CNIH3: variants seen among roughly 807,000 people sequenced by gnomAD.
CNIH3 encodes cornichon family AMPA receptor auxiliary protein 3, also known as protein cornichon homolog 3.
A neutral mutation model predicts 24.1 loss-of-function variants in CNIH3; 14 were observed. That is an observed-to-expected ratio of 0.58 (90% CI 0.38 to 0.91). The LOEUF (loss-of-function observed/expected upper bound fraction) is 0.91, where lower values mean the gene tolerates loss of function less well. CNIH3 is among the 40% of genes least tolerant of loss of function. The probability of loss-of-function intolerance (pLI) is 0.00; values close to 1 mark genes in which losing one functional copy is unlikely to be tolerated. For missense variants in CNIH3, 178 were observed against 196.8 expected, an observed-to-expected ratio of 0.90 and a Z score of 0.57; for synonymous variants, 68 against 73.8, an observed-to-expected ratio of 0.92 and a Z score of 0.40.
chr1:224,589,322 A>G (rs1681651345), downstream of CNIH3, among the ~76,000 whole-genome samples: 1 of 152,186 alleles, frequency 6.6e-6, no homozygotes, highest in Non-Finnish European at 1.5e-5. Context: ...TTAACACATT[A>G]TAGAAACACA....
intron 4 of CNIH3, among the ~76,000 whole-genome samples, chr1:224,733,211 C>T (rs1037289863): frequency 2.0e-5 from 3 of 152,204 alleles, no homozygotes; most frequent in African/African-American, 7.2e-5. Flanking sequence ...GTGGGCAATT[C>T]CATCCCCATT....
intron 5 of CNIH3, among the ~76,000 whole-genome samples, chr1:224,586,447 G>A (rs1390572962): frequency 6.6e-6 from 1 of 152,106 alleles, no homozygotes; most frequent in South Asian, 2.1e-4. Flanking sequence ...GGAAAGACCT[G>A]CCCCCGTGAT....
intron 3 of CNIH3, among the ~76,000 whole-genome samples, chr1:224,560,517 G>A (rs541907021): frequency 5.3e-5 from 8 of 152,184 alleles, no homozygotes; most frequent in Admixed American, 1.3e-4. Flanking sequence ...GCTGCTCCCC[G>A]TTGCTTGCAT....
At chr1:224,474,775 C>G (rs1676503691) in intron 1 of CNIH3, among the ~76,000 whole-genome samples, 1 of 152,102 alleles carries the variant, frequency 6.6e-6, no homozygotes, top group Non-Finnish European at 1.5e-5. Context: ...CGCCTGTAAT[C>G]CCAGCACTTT....
intron 1 of CNIH3, among the ~76,000 whole-genome samples, chr1:224,498,723 G>A (rs553105710): frequency 1.3e-5 from 2 of 152,322 alleles, no homozygotes; most frequent in East Asian, 1.9e-4. Context: ...ATCAGAACAC[G>A]GGCAGCCAGG....
chr1:224,481,545 G>A (rs997589557), intron 1 of CNIH3, among the ~76,000 whole-genome samples: 5 of 152,190 alleles, frequency 3.3e-5, no homozygotes, highest in African/African-American at 9.7e-5. Context: ...ATAAAATCTA[G>A]AAGAATTCTC....
chr1:224,458,767 G>T lies in CNIH3; in HGVS notation n.203+23905G>T, dbSNP rs1675785056. Among the ~76,000 whole-genome samples, 1 of 152,150 alleles carries T rather than the reference G, an allele frequency of 6.6e-6. No individual in the cohort carries two copies. The highest frequency in any genetic ancestry group is 2.4e-5 in the African/African-American group (1 of 41,432). On this transcript the variant is annotated intron_variant and non_coding_transcript_variant, in intron 1 of 5. Coordinates refer to the CNIH3 transcript ENST00000471578. The surrounding 1 kb of genome is among the most constrained non-coding windows in gnomAD (Gnocchi z 4.3). ...ATCACCATGGGTATCAGACACACTGGGTAGCTGAGTGCTCAGAGGAAGATG... is the reference window on the plus strand; with the variant it reads ...ATCACCATGGGTATCAGACACACTGTGTAGCTGAGTGCTCAGAGGAAGATG...
At chr1:224,734,537 G>T (rs1171594789) in intron 4 of CNIH3, 26 bp from the exon 5 acceptor site, 12 of 1,611,800 alleles carry the variant, frequency 7.4e-6, no homozygotes, top group Non-Finnish European at 1.0e-5. Context: ...GGACCTCAGA[G>T]ACAATGATGT....
At chr1:224,621,861 G>A (rs557144713) in intron 1 of CNIH3, among the ~76,000 whole-genome samples, 3 of 152,308 alleles carry the variant, frequency 2.0e-5, no homozygotes, top group East Asian at 1.9e-4. Flanking sequence ...TAATCTCCAC[G>A]TGTTGTGGGA....
At chr1:224,606,309 T>C (rs928887005) in intron 3 of CNIH3, among the ~76,000 whole-genome samples, 3 of 152,112 alleles carry the variant, frequency 2.0e-5, no homozygotes, top group African/African-American at 7.2e-5. Context: ...AATCAGGCTG[T>C]GTGAATGAAC....
At chr1:224,591,256 C>G (rs1681743651), downstream of CNIH3, among the ~76,000 whole-genome samples, 1 of 152,158 alleles carries the variant, frequency 6.6e-6, no homozygotes, top group Non-Finnish European at 1.5e-5. Context: ...CTATTCCAGC[C>G]ACTGTTCTCT....
At chr1:224,527,723 A>T (rs1038184981) in intron 2 of CNIH3, among the ~76,000 whole-genome samples, 1 of 152,212 alleles carries the variant, frequency 6.6e-6, no homozygotes, top group African/African-American at 2.4e-5. Context: ...TGTAAAAAAA[A>T]ATATATTTGA....
At chr1:224,652,116 A>G (rs1647127040) in intron 1 of CNIH3, among the ~76,000 whole-genome samples, 1 of 152,046 alleles carries the variant, frequency 6.6e-6, no homozygotes, top group Non-Finnish European at 1.5e-5. Context: ...GCAAAGCAGG[A>G]ATATTGGCCT....
intron 4 of CNIH3, chr1:224,575,038 G>T (rs779911551): frequency 4.3e-5 from 38 of 881,542 alleles, no homozygotes; most frequent in East Asian, 7.2e-5. Context: ...ATCCAGTACT[G>T]CCAGTCCAAA....
chr1:224,573,685 G>C (rs984456147), intron 4 of CNIH3, among the ~76,000 whole-genome samples: 1 of 152,186 alleles, frequency 6.6e-6, no homozygotes, highest in Non-Finnish European at 1.5e-5. Context: ...ACTCAAGCAT[G>C]AGAAACTAAT....
chr1:224,723,208 T>G (rs1198428922), intron 3 of CNIH3, among the ~76,000 whole-genome samples: 1 of 152,166 alleles, frequency 6.6e-6, no homozygotes, highest in Non-Finnish European at 1.5e-5. Context: ...AGGCAGTGTC[T>G]GGAGCATGTG....
At chr1:224,689,234 A>G (rs1470520436) in intron 3 of CNIH3, among the ~76,000 whole-genome samples, 1 of 152,198 alleles carries the variant, frequency 6.6e-6, no homozygotes, top group Admixed American at 6.5e-5. Context: ...AACTAGGGGT[A>G]AAAATAACAG....
intron 3 of CNIH3, among the ~76,000 whole-genome samples, chr1:224,723,362 G>GCCT (rs967230706): frequency 6.6e-6 from 1 of 152,200 alleles, no homozygotes; most frequent in African/African-American, 2.4e-5. Context: ...TCCCTGTGCT[G>GCCT]CCTTCTCTCA....
chr1:224,694,825 A>G (rs772661576), intron 3 of CNIH3, among the ~76,000 whole-genome samples: 9 of 152,222 alleles, frequency 5.9e-5, no homozygotes, highest in Non-Finnish European at 1.0e-4. Context: ...TTCTAAGTGA[A>G]GAAACTCAGG....
Sources: gnomAD v4.1 joint callset for allele counts (sites outside exome capture counted in the v4.1 genomes callset) on GRCh38, gnomAD v4.1.1 for gene constraint, Gnocchi (gnomAD v3.1) non-coding constraint, MANE v1.5 for transcripts, NCBI Gene and HGNC (gene_info 2026-07-23, HGNC 2026-07-21) for gene names.